Variants in IL1RL1 observed in about 807,000 individuals in gnomAD.
IL1RL1 encodes interleukin 1 receptor like 1, also known as interleukin-1 receptor-like 1.
IL1RL1 carries 32 observed loss-of-function variants against 50.9 expected under a neutral mutation model. The ratio of observed to expected loss-of-function variants is 0.63; its 90% CI spans 0.47 to 0.84. The LOEUF is 0.84. Ranked by LOEUF, IL1RL1 falls within the 40% of genes least tolerant of loss-of-function variation. The pLI, the probability that IL1RL1 is intolerant of heterozygous loss-of-function variation, is 0.00. For missense variants in IL1RL1, 773 were observed against 662.9 expected (o/e 1.17, Z -1.82); for synonymous variants, 275 against 236.0 (o/e 1.17, Z -1.51).
At chr2:102,341,206 G>A in intron 5 of IL1RL1, 2 of 1,116,336 alleles carry the variant, frequency 1.8e-6, no homozygotes, top group Non-Finnish European at 2.2e-6. Context: ...CAGAGTTTCT[G>A]CAAATTAAAA....
intron 1 of IL1RL1, among the ~76,000 whole-genome samples, chr2:102,323,247 T>TTATATA (rs371889389): frequency 0.018 from 1,785 of 98,378 alleles, 44 homozygotes; most frequent in African/African-American, 0.047. Flanking sequence ...TTGTTAGGTT[T>TTATATA]TATATATATA....
At chr2:102,323,273 A>ATATATATATATATATATATATATAGT (rs1303334375) in intron 1 of IL1RL1, among the ~76,000 whole-genome samples, 1 of 48,498 alleles carries the variant, frequency 2.1e-5, no homozygotes, top group African/African-American at 7.0e-5. Flanking sequence ...ATATATATAT[A>ATATATATATATATATATATATATAGT]GTGTGTGTGT....
At chr2:102,316,293 C>T (rs539962948) in intron 1 of IL1RL1, among the ~76,000 whole-genome samples, 1 of 152,180 alleles carries the variant, frequency 6.6e-6, no homozygotes, top group Admixed American at 6.5e-5. Flanking sequence ...GCTAATTTAC[C>T]TTAAATCTTT....
At chr2:102,313,343 G>C (rs1042368749) in intron 1 of IL1RL1, 1 of 151,978 alleles carries the variant, frequency 6.6e-6, no homozygotes, top group African/African-American at 2.4e-5. Flanking sequence ...TTATCTCTGC[G>C]CCCTGTAGAT....
At position 102,339,050 on chromosome 2, in the gene IL1RL1, A is replaced by T. The variant is rs766232481; in HGVS notation, c.272+3A>T. 3 of 1,601,484 alleles carry T rather than the reference A, an allele frequency of 1.9e-6. No individual in the cohort carries two copies. In the South Asian group the frequency reaches 3.3e-5, roughly 18 times the overall value. Reference sequence around the variant, plus strand: ...ATTTATACCTGTATTGTCAGAAGGTATTATGCAGAAGGCTCCCATCTTCTT... The same window carrying T: ...ATTTATACCTGTATTGTCAGAAGGTTTTATGCAGAAGGCTCCCATCTTCTT... On this transcript the variant is annotated splice_donor_region_variant and intron_variant, in intron 3 of 10. Coordinates refer to ENST00000233954, the MANE Select transcript of IL1RL1 (RefSeq NM_016232.5).
At chr2:102,324,882 G>T (rs1573135212) in intron 1 of IL1RL1, among the ~76,000 whole-genome samples, 1 of 152,218 alleles carries the variant, frequency 6.6e-6, no homozygotes, top group Non-Finnish European at 1.5e-5. Flanking sequence ...GCCCACTGCA[G>T]CTCAAGGAGG....
Position 102,319,890 on chromosome 2 carries a change from T to C in IL1RL1, c.-150+8267T>C, listed in dbSNP as rs146508821. Among the ~76,000 whole-genome samples the C allele has an allele frequency of 2.6e-3, 392 of 152,304 alleles. 3 individuals are homozygous for C. The East Asian group carries it at 0.032, about 12-fold the overall frequency. ...TTTTTGTAGAGATGGGGACTTACTA[T>C]GTTGCCCAGGCTAGTGTTGAACTCC... On this transcript the variant is annotated intron_variant, in intron 1 of 10. Transcript: ENST00000233954.
At chr2:102,322,086 C>A (rs557149237) in intron 1 of IL1RL1, among the ~76,000 whole-genome samples, 2 of 152,272 alleles carry the variant, frequency 1.3e-5, no homozygotes, top group East Asian at 3.9e-4. Flanking sequence ...GCCTGGCAGT[C>A]TAAAAGCTAC....
At chr2:102,323,373 C>T (rs11123920) in intron 1 of IL1RL1, among the ~76,000 whole-genome samples, 72,508 of 150,776 alleles carry the variant, frequency 0.48, 17,662 homozygotes, top group Middle Eastern at 0.63. Flanking sequence ...AGTTTTGATA[C>T]ATGTATACTC....
At chr2:102,314,493 G>A (rs1676616201) in intron 1 of IL1RL1, among the ~76,000 whole-genome samples, 1 of 152,154 alleles carries the variant, frequency 6.6e-6, no homozygotes, top group Admixed American at 6.6e-5. Flanking sequence ...ATTTAAAGAA[G>A]ACTTGATAAC....
chr2:102,351,678 G>T lies in IL1RL1; in HGVS notation c.1428G>T (p.Lys476Asn), dbSNP rs1677940234. 1 of 1,614,006 alleles carries T rather than the reference G, an allele frequency of 6.2e-7. No homozygotes were observed. Among genetic ancestry groups the T allele is most frequent in the South Asian group, 1.1e-5 (1 of 91,092 alleles). The change falls in exon 11 of 11, where the codon AAG (lysine) becomes AAT (asparagine). Residue 476 changes from lysine to asparagine, a missense_variant. Lys to Asn is a moderately conservative substitution (Grantham distance 94). Transcript: ENST00000233954. ...GTGCCCTCATCCAGAACGACGCCAAGGTGATACTTATTGAGATGGAGGCTC... is the reference window on the plus strand; with the variant it reads ...GTGCCCTCATCCAGAACGACGCCAATGTGATACTTATTGAGATGGAGGCTC... ...LHCALIQNDA[K>N]VILIEMEALS...
Position 102,340,285 on chromosome 2 carries a change from T to A in IL1RL1, c.447+13T>A, listed in dbSNP as rs1441517565. On this transcript the variant is annotated intron_variant, in intron 4 of 10. Transcript: ENST00000233954. ...TGAGTGGTTTAAGGTAAGAAGAAAT[T>A]TGGAAGGAAATAGATGAAAATTACA... The A allele has an allele frequency of 6.3e-7, 1 of 1,575,572 alleles. No individual in the cohort carries two copies. Among genetic ancestry groups the A allele is most frequent in the Non-Finnish European group, 8.6e-7 (1 of 1,165,120 alleles).
intron 8 of IL1RL1, chr2:102,344,342 A>G (rs1279892362): frequency 1.4e-5 from 13 of 921,976 alleles, no homozygotes; most frequent in East Asian, 1.2e-4. Flanking sequence ...CCCAAACCAT[A>G]CCACACACAT....
At chr2:102,335,988 T>G (rs879456642) in intron 1 of IL1RL1, among the ~76,000 whole-genome samples, 3 of 152,106 alleles carry the variant, frequency 2.0e-5, no homozygotes, top group Non-Finnish European at 2.9e-5. Flanking sequence ...CTCCCCGCGG[T>G]CAAAGGACTG....
chr2:102,315,917 A>T (rs1466837132), intron 1 of IL1RL1, among the ~76,000 whole-genome samples: 1 of 152,170 alleles, frequency 6.6e-6, no homozygotes, highest in East Asian at 1.9e-4. Context: ...TTAAGGGAGT[A>T]TTTTCAGGAA....
At chr2:102,340,566 T>C (rs1677515028) in intron 4 of IL1RL1, 100 bp from the exon 5 acceptor site, 5 of 1,217,616 alleles carry the variant, frequency 4.1e-6, no homozygotes, top group Admixed American at 4.8e-5. Flanking sequence ...CGAGCCCAGA[T>C]TGCACCACTC....
intron 8 of IL1RL1, among the ~76,000 whole-genome samples, chr2:102,347,190 C>T (rs184710677): frequency 4.6e-5 from 7 of 152,294 alleles, no homozygotes; most frequent in African/African-American, 9.6e-5. Flanking sequence ...TCCTTAATGC[C>T]CTGACAGCAC....
chr2:102,332,512 C>A (rs1034364377), intron 1 of IL1RL1, among the ~76,000 whole-genome samples: 1 of 152,132 alleles, frequency 6.6e-6, no homozygotes, highest in Non-Finnish European at 1.5e-5. Context: ...ACAATATGAA[C>A]AAAACTTGGA....
intron 1 of IL1RL1, among the ~76,000 whole-genome samples, chr2:102,334,348 G>C (rs867529805): frequency 6.6e-6 from 1 of 152,176 alleles, no homozygotes; most frequent in Middle Eastern, 3.4e-3. Flanking sequence ...AGGAGTGGAG[G>C]CTTGAGTGGG....
Sources: allele counts gnomAD v4.1 joint callset (sites outside exome capture counted in the v4.1 genomes callset), GRCh38; gene constraint gnomAD v4.1.1; transcripts MANE v1.5; gene names NCBI Gene and HGNC (gene_info 2026-07-23, HGNC 2026-07-21).